The following HIBCH variants were observed in gnomAD, a reference collection of about 807,000 sequenced individuals.
HIBCH encodes the protein 3-hydroxyisobutyryl-CoA hydrolase.
A neutral mutation model predicts 58.2 loss-of-function variants in HIBCH; 50 were observed. The ratio of observed to expected loss-of-function variants is 0.86; its 90% CI spans 0.68 to 1.09. HIBCH has a LOEUF of 1.09. Ranked by LOEUF, HIBCH falls within the 50% of genes least tolerant of loss-of-function variation. The pLI is 0.00. For missense variants in HIBCH, 450 were observed against 449.7 expected (o/e 1.00, Z -0.01); for synonymous variants, 151 against 146.9 (o/e 1.03, Z -0.20).
chr2:190,201,044 T>G (rs1244085915), downstream of HIBCH: 1 of 155,862 alleles, frequency 6.4e-6, no homozygotes, highest in Non-Finnish European at 1.6e-5. Flanking sequence ...GCGGTCACCA[T>G]TAAAATAGAC....
At position 190,209,040 on chromosome 2, in the gene HIBCH, A is replaced by AGTCT; in HGVS notation, c.1012-128_1012-127insAGAC. The AGTCT allele has an allele frequency of 1.3e-6, 1 of 793,106 alleles. No homozygotes were observed. Among genetic ancestry groups the AGTCT allele is most frequent in the Non-Finnish European group, 2.2e-6 (1 of 464,794 alleles). The allele number at this position is 793,106 out of a possible 1,614,324, so 49.1% of individuals were successfully genotyped here. ...ACAACCTGAACCATGACATTCAGAG[A>AGTCT]CTGAACCACCTCTGATAGCCCACTC... On this transcript the variant is annotated intron_variant, in intron 12 of 13. Transcript: ENST00000359678. This position sits in a 1 kb window ranked among gnomAD's most constrained non-coding sequence, Gnocchi z 5.6.
chr2:190,212,997 C>G lies in HIBCH; in HGVS notation c.970G>C (p.Glu324Gln). ...LMEGSSKTLQ[E>Q]VLTMEYRLSQ... ...AGCCGATACTCCATAGTTAGTACTTCTTGCAAGGTCTTTGAAGACCCCTCC... is the reference window on the plus strand; with the variant it reads ...AGCCGATACTCCATAGTTAGTACTTGTTGCAAGGTCTTTGAAGACCCCTCC... The change falls in exon 12 of 14, where the codon GAA becomes CAA. Residue 324 changes from glutamate (E) to glutamine (Q), a missense_variant. By Grantham distance (29) the Glu-to-Gln change is conservative (BLOSUM62 2). Coordinates refer to ENST00000359678, the MANE Select transcript of HIBCH (RefSeq NM_014362.4). 6.2e-7 allele frequency: 1 copy of G among 1,611,862 alleles called. No individual in the cohort carries two copies. The highest frequency in any genetic ancestry group is 8.5e-7 in the Non-Finnish European group (1 of 1,178,442).
At chr2:190,307,057 A>T (rs148285608) in intron 2 of HIBCH, among the ~76,000 whole-genome samples, 21 of 152,316 alleles carry the variant, frequency 1.4e-4, no homozygotes, top group African/African-American at 4.8e-4. Flanking sequence ...CGGTTTTGTT[A>T]CAGCAGCTCA....
chr2:190,298,128 G>A (rs1688156077), intron 2 of HIBCH, among the ~76,000 whole-genome samples: 1 of 152,082 alleles, frequency 6.6e-6, no homozygotes, highest in South Asian at 2.1e-4. Context: ...GTGTATATGT[G>A]CCACATTTTC....
At chr2:190,240,833 G>A (rs538741556) in intron 11 of HIBCH, among the ~76,000 whole-genome samples, 10 of 152,274 alleles carry the variant, frequency 6.6e-5, no homozygotes, top group Non-Finnish European at 1.0e-4. Flanking sequence ...ATTGCACTGC[G>A]GTCTGAGAGA....
chr2:190,205,373 T>C (rs1690366011), intron 13 of HIBCH, 141 bp from the exon 14 acceptor site: 1 of 618,616 alleles, frequency 1.6e-6, no homozygotes, highest in Non-Finnish European at 2.9e-6. Context: ...ATATGTATTC[T>C]ATTTTTCTTT....
Position 190,252,280 on chromosome 2 carries a change from T to C in HIBCH, c.545A>G (p.Tyr182Cys). 6.2e-7 allele frequency: 1 copy of C among 1,613,444 alleles called. No homozygotes were observed. The highest frequency in any genetic ancestry group is 8.5e-7 in the Non-Finnish European group (1 of 1,179,460). The change falls in exon 8 of 14, where the codon TAT (tyrosine) becomes TGT (cysteine). Residue 182 changes from tyrosine (Y) to cysteine (C), a missense_variant. By Grantham distance (194) the Tyr-to-Cys change is radical. Transcript: ENST00000359678. ...IGLFPDVGGG[Y>C]FLPRLQGKLG... The stretch of plus-strand genomic sequence containing the variant: ...TTTTCCTTGGAGTCGTGGCAAGAAA[T>C]AACCTCCACCCACATCAGGGAACAG...
intron 11 of HIBCH, among the ~76,000 whole-genome samples, chr2:190,239,687 T>C (rs1686395384): frequency 6.7e-6 from 1 of 149,864 alleles, no homozygotes; most frequent in African/African-American, 2.5e-5. Flanking sequence ...TTCCCTCCTG[T>C]TGCCCAAGCT....
chr2:190,237,068 TGTCA>T (rs1686294596), intron 11 of HIBCH, among the ~76,000 whole-genome samples: 1 of 152,186 alleles, frequency 6.6e-6, no homozygotes, highest in East Asian at 1.9e-4. Context: ...ATAGGCCAAC[TGTCA>T]GTATGTCATT....
chr2:190,287,004 C>G (rs1280218693), intron 6 of HIBCH, among the ~76,000 whole-genome samples: 1 of 146,574 alleles, frequency 6.8e-6, no homozygotes, highest in Non-Finnish European at 1.5e-5. Context: ...CTTGCTAATT[C>G]AAAAAGTTAA....
chr2:190,261,798 T>A (rs1306054421), intron 6 of HIBCH, among the ~76,000 whole-genome samples: 2 of 152,120 alleles, frequency 1.3e-5, no homozygotes, highest in African/African-American at 4.8e-5. Flanking sequence ...CAATTAATCA[T>A]AAAACTTCTA....
At chr2:190,234,839 A>C (rs1215990367) in intron 11 of HIBCH, among the ~76,000 whole-genome samples, 1 of 152,024 alleles carries the variant, frequency 6.6e-6, no homozygotes, top group Non-Finnish European at 1.5e-5. Context: ...GACTCTAAAA[A>C]AAAAAAAACC....
rs1559069131 is a variant in HIBCH at position 190,315,145 on chromosome 2, C to CT, written c.36-4350_36-4349insA. Among the ~76,000 whole-genome samples the CT allele has an allele frequency of 6.6e-6, 1 of 151,988 alleles. No individual in the cohort carries two copies. The highest frequency in any genetic ancestry group is 1.5e-5 in the Non-Finnish European group (1 of 67,994). On this transcript the variant is annotated intron_variant, in intron 1 of 13. Transcript: ENST00000359678. This position sits in a 1 kb window ranked among gnomAD's most constrained non-coding sequence, Gnocchi z 5.4. ...TGTATTTTTAGTAGAAACGGGGTTTCACCATGTTAGCCAGCATGGTCATGA... is the reference window on the plus strand; with the variant it reads ...TGTATTTTTAGTAGAAACGGGGTTTCTACCATGTTAGCCAGCATGGTCATGA...
intron 6 of HIBCH, among the ~76,000 whole-genome samples, chr2:190,274,069 T>A (rs1223202155): frequency 6.6e-6 from 1 of 152,232 alleles, no homozygotes; most frequent in East Asian, 1.9e-4. Flanking sequence ...CCCAAAGCGC[T>A]GGGATTACAG....
rs1394507012 is a variant in HIBCH, at chr2:190,314,362, T to C, written c.36-3566A>G. Among the ~76,000 whole-genome samples, 398 of 43,938 alleles carry C rather than the reference T, an allele frequency of 9.1e-3. 7 individuals carry two copies. The highest frequency in any genetic ancestry group is 0.032 in the African/African-American group (382 of 12,046). 28.8% of individuals were successfully genotyped at this position (43,938 alleles called of 152,430 possible). On this transcript the variant is annotated intron_variant, in intron 1 of 13. Transcript: ENST00000359678. ...ACATATATATGTGTATATATACGTA[T>C]ATATATACGTATATATGTGTATATA...
At chr2:190,308,091 C>T (rs1207522042) in intron 2 of HIBCH, among the ~76,000 whole-genome samples, 3 of 152,176 alleles carry the variant, frequency 2.0e-5, no homozygotes, top group Non-Finnish European at 4.4e-5. Context: ...CTTCTCTACC[C>T]CTGAGGCACT....
chr2:190,224,116 C>G (rs181816861), intron 11 of HIBCH, among the ~76,000 whole-genome samples: 3 of 152,230 alleles, frequency 2.0e-5, no homozygotes, highest in East Asian at 1.9e-4. Context: ...TATCCTGCAC[C>G]TGGCTCAGAG....
chr2:190,195,890 C>A (rs1349275232), intron 1 of HIBCH, among the ~76,000 whole-genome samples: 2 of 138,010 alleles, frequency 1.4e-5, no homozygotes, highest in Non-Finnish European at 3.1e-5. Flanking sequence ...ATATTTAGGT[C>A]TATGATCCAT....
chr2:190,225,814 C>A (rs1685875063), intron 11 of HIBCH, among the ~76,000 whole-genome samples: 1 of 151,904 alleles, frequency 6.6e-6, no homozygotes, highest in African/African-American at 2.4e-5. Context: ...AGAGACACCA[C>A]AAAAAAAGGG....
Sources: allele counts gnomAD v4.1 joint callset (sites outside exome capture counted in the v4.1 genomes callset), GRCh38; gene constraint gnomAD v4.1.1; non-coding constraint Gnocchi (gnomAD v3.1); transcripts MANE v1.5; gene names NCBI Gene and HGNC (gene_info 2026-07-23, HGNC 2026-07-21).